The following SCAMP1 variants were observed in gnomAD, a reference collection of about 807,000 sequenced individuals.
The protein encoded by SCAMP1 is secretory carrier membrane protein 1, also known as secretory carrier-associated membrane protein 1.
In SCAMP1, 15 loss-of-function variants were observed where a neutral mutation model predicts 41.8. The ratio of observed to expected loss-of-function variants is 0.36; its 90% CI spans 0.24 to 0.55. The LOEUF (loss-of-function observed/expected upper bound fraction) is 0.55, where lower values mean the gene tolerates loss of function less well. Ranked by LOEUF, SCAMP1 falls within the 20% of genes least tolerant of loss-of-function variation. The probability of loss-of-function intolerance (pLI) is 0.86; values close to 1 mark genes in which losing one functional copy is unlikely to be tolerated. For synonymous variants in SCAMP1, 135 were observed against 136.8 expected (o/e 0.99, Z 0.09); for missense variants, 341 against 412.6 (o/e 0.83, Z 1.50).
In SCAMP1 at chr5:78,426,766, G is replaced by A. The variant is rs1466223231; in HGVS notation, c.632+4806G>A. On this transcript the variant is annotated intron_variant, in intron 6 of 8. Transcript: ENST00000621999. ...CCAGGAAACCACTGATCTGTTGCCT[G>A]TGTCTAAAAATTTCTCTTTTCTGAG... Among the ~76,000 whole-genome samples, 6 of 152,260 alleles carry A rather than the reference G, an allele frequency of 3.9e-5. No homozygotes were observed. The South Asian group carries it at 1.2e-3, about 32-fold the overall frequency.
chr5:78,404,453 G>GTTT (rs3058233), intron 2 of SCAMP1, among the ~76,000 whole-genome samples: 24 of 98,174 alleles, frequency 2.4e-4, no homozygotes, highest in African/African-American at 1.1e-3. Context: ...AGCCTTACAG[G>GTTT]TTTTTTTTTT....
rs369702031 is a variant in SCAMP1 at position 78,416,613 on chromosome 5, C to T, written c.307C>T (p.Arg103Cys). 13 of 1,594,920 alleles carry T rather than the reference C, an allele frequency of 8.2e-6. No homozygotes were observed. Among genetic ancestry groups the T allele is most frequent in the Non-Finnish European group, 1.0e-5 (12 of 1,170,480 alleles). Residue 103 changes from arginine to cysteine, a missense_variant, in exon 4 of 9, where the codon CGT becomes TGT. Transcript: ENST00000621999. Reference protein sequence around the residue: ...ELERKAAELDRREREMQNLSQ... With the variant: ...ELERKAAELDCREREMQNLSQ... ...AGAAAGAAAAGCCGCAGAATTAGAT[C>T]GTCGGGAACGAGAAATGCAAAACCT... is the stretch of plus-strand genomic sequence containing the variant.
intron 6 of SCAMP1, among the ~76,000 whole-genome samples, chr5:78,424,257 C>T (rs1752412224): frequency 6.6e-6 from 1 of 152,132 alleles, no homozygotes; most frequent in East Asian, 1.9e-4. Context: ...GTATCTTTGG[C>T]ATTTCCTTAT....
intron 2 of SCAMP1, among the ~76,000 whole-genome samples, chr5:78,409,565 A>T (rs576037042): frequency 6.6e-6 from 1 of 152,264 alleles, no homozygotes; most frequent in East Asian, 1.9e-4. Flanking sequence ...ACTTGGCTTG[A>T]GTTGGCTAAT....
At chr5:78,400,564 G>A (rs1751772848) in intron 2 of SCAMP1, among the ~76,000 whole-genome samples, 1 of 152,158 alleles carries the variant, frequency 6.6e-6, no homozygotes, top group Non-Finnish European at 1.5e-5. Context: ...CATATAGAAT[G>A]TATACATATT....
At chr5:78,423,988 G>A (rs1166563597) in intron 6 of SCAMP1, among the ~76,000 whole-genome samples, 1 of 152,006 alleles carries the variant, frequency 6.6e-6, no homozygotes, top group Admixed American at 6.6e-5. Flanking sequence ...GGGATTACAG[G>A]CATGCACCAC....
chr5:78,391,129 G>A (rs966006690), intron 2 of SCAMP1, among the ~76,000 whole-genome samples: 12 of 152,072 alleles, frequency 7.9e-5, no homozygotes, highest in African/African-American at 2.2e-4. Context: ...CCACAAAACC[G>A]CCATTGTCAT....
At chr5:78,391,156 T>A (rs1751484394) in intron 2 of SCAMP1, among the ~76,000 whole-genome samples, 1 of 152,094 alleles carries the variant, frequency 6.6e-6, no homozygotes, top group Non-Finnish European at 1.5e-5. Flanking sequence ...CCGTTCTCAA[T>A]GAGCTGTTGG....
At chr5:78,411,865 A>G (rs951560108) in intron 2 of SCAMP1, among the ~76,000 whole-genome samples, 3 of 152,158 alleles carry the variant, frequency 2.0e-5, no homozygotes, top group African/African-American at 7.2e-5. Flanking sequence ...CAGGATTGCT[A>G]CATGTACTAG....
intron 7 of SCAMP1, among the ~76,000 whole-genome samples, chr5:78,453,506 C>G (rs1304680462): frequency 6.6e-6 from 1 of 151,806 alleles, no homozygotes; most frequent in Non-Finnish European, 1.5e-5. Flanking sequence ...AGATGTGTGG[C>G]GTTATTTCTG....
intron 6 of SCAMP1, among the ~76,000 whole-genome samples, chr5:78,443,212 CAAAAA>C (rs398051015): frequency 4.5e-5 from 3 of 66,048 alleles, no homozygotes; most frequent in African/African-American, 1.8e-4. Flanking sequence ...GACTCTGTCT[CAAAAA>C]AAAAAAAAAA....
intron 6 of SCAMP1, among the ~76,000 whole-genome samples, chr5:78,445,638 ATTTTT>A (rs796617013): frequency 6.8e-6 from 1 of 146,756 alleles, no homozygotes; most frequent in South Asian, 2.1e-4. Flanking sequence ...CTGATGATGT[ATTTTT>A]TTTTTTCCTG....
In SCAMP1 at chr5:78,367,240, C is replaced by G. The variant is rs891864732; in HGVS notation, c.57+6512C>G. The stretch of plus-strand genomic sequence containing the variant: ...AGATGCACCATTATCTTATTTACCA[C>G]TGTCTCACTTATCTGTTGCTATGTA... On this transcript the variant is annotated intron_variant, in intron 1 of 8. Coordinates refer to ENST00000621999, the MANE Select transcript of SCAMP1 (RefSeq NM_004866.6). Among the ~76,000 whole-genome samples, 3 of 152,220 alleles carry G rather than the reference C, an allele frequency of 2.0e-5. No individual in the cohort carries two copies. In the South Asian group the frequency reaches 6.2e-4, roughly 32 times the overall value.
At chr5:78,380,296 T>C (rs1326958623) in intron 1 of SCAMP1, among the ~76,000 whole-genome samples, 1 of 152,198 alleles carries the variant, frequency 6.6e-6, no homozygotes, top group Non-Finnish European at 1.5e-5. Context: ...TGATATTTCT[T>C]TGGAGTAGGT....
chr5:78,422,541 T>TC (rs1185324624), intron 6 of SCAMP1, among the ~76,000 whole-genome samples: 5 of 152,222 alleles, frequency 3.3e-5, no homozygotes, highest in Admixed American at 2.6e-4. Context: ...TAGCGCATGT[T>TC]CTGTGGGATA....
rs1241856527 is a variant in SCAMP1, at chr5:78,397,970, A to G, written c.135+9056A>G. Among the ~76,000 whole-genome samples, 3 of 152,218 alleles carry G rather than the reference A, an allele frequency of 2.0e-5. No individual in the cohort carries two copies. The East Asian group carries it at 5.8e-4, about 29-fold the overall frequency. ...ATAGCGAGTATTGGCAAGGATGTGG[A>G]GAATTGGAACCTTCACACACTGCTG... On this transcript the variant is annotated intron_variant, in intron 2 of 8. Coordinates refer to ENST00000621999, the MANE Select transcript of SCAMP1 (RefSeq NM_004866.6).
intron 6 of SCAMP1, among the ~76,000 whole-genome samples, chr5:78,428,695 G>A (rs1431204230): frequency 6.6e-6 from 1 of 152,074 alleles, no homozygotes; most frequent in African/African-American, 2.4e-5. Context: ...AGTTAACACT[G>A]TAAGCCAGTT....
At chr5:78,465,572 A>G (rs1753725632) in intron 8 of SCAMP1, among the ~76,000 whole-genome samples, 1 of 152,248 alleles carries the variant, frequency 6.6e-6, no homozygotes, top group African/African-American at 2.4e-5. Context: ...TGTGAGGATT[A>G]AATGAAACAG....
intron 2 of SCAMP1, among the ~76,000 whole-genome samples, chr5:78,405,205 A>G (rs1280209072): frequency 6.6e-6 from 1 of 152,208 alleles, no homozygotes; most frequent in African/African-American, 2.4e-5. Context: ...CTCCTTATAC[A>G]TGAAACTGGA....
Sources: gnomAD v4.1 joint callset for allele counts (sites outside exome capture counted in the v4.1 genomes callset) on GRCh38, gnomAD v4.1.1 for gene constraint, MANE v1.5 for transcripts, NCBI Gene and HGNC (gene_info 2026-07-23, HGNC 2026-07-21) for gene names.